MCPH1: variants seen among roughly 807,000 people sequenced by gnomAD.
MCPH1 encodes the protein microcephalin.
A neutral mutation model predicts 84.5 loss-of-function variants in MCPH1; 104 were observed. The observed-to-expected ratio is 1.23, with a 90% CI of 1.05 to 1.45. MCPH1 has a LOEUF of 1.45. Among genes scored for constraint, MCPH1 ranks in the 40% most tolerant of loss-of-function variants. The pLI, the probability that MCPH1 is intolerant of heterozygous loss-of-function variation, is 0.00. For synonymous variants in MCPH1, 514 were observed against 366.8 expected (o/e 1.40, Z -4.58); for missense variants, 1,498 against 1,005.7 (o/e 1.49, Z -6.62).
chr8:6,545,715 G>A (rs1045827936), intron 12 of MCPH1, among the ~76,000 whole-genome samples: 2 of 152,168 alleles, frequency 1.3e-5, no homozygotes, highest in Non-Finnish European at 2.9e-5. Flanking sequence ...ATAAATAAAT[G>A]TCTGAGTCAT....
chr8:6,609,444 C>CT (rs1830056732), intron 12 of MCPH1, among the ~76,000 whole-genome samples: 1 of 152,178 alleles, frequency 6.6e-6, no homozygotes, highest in Admixed American at 6.5e-5. Flanking sequence ...GTTCCCATCA[C>CT]TTATGTAGCC....
At chr8:6,521,570 A>T (rs1445727283) in intron 12 of MCPH1, among the ~76,000 whole-genome samples, 1 of 152,368 alleles carries the variant, frequency 6.6e-6, no homozygotes, top group East Asian at 1.9e-4. Context: ...AAACTTGCTG[A>T]GAAGATTAGA....
Position 6,648,467 on chromosome 8 carries a change from A to T in MCPH1, c.*5418A>T, listed in dbSNP as rs559541834. 6.6e-6 allele frequency: 1 copy of T among 152,168 alleles called. No individual in the cohort carries two copies. The highest frequency in any genetic ancestry group is 2.4e-5 in the African/African-American group (1 of 41,574). The allele number at this position is 152,168 out of a possible 1,614,324, so 9.4% of individuals were successfully genotyped here. On this transcript the variant is annotated 3_prime_UTR_variant, in exon 14 of 14. Coordinates refer to ENST00000344683, the MANE Select transcript of MCPH1 (RefSeq NM_024596.5). Reference sequence around the variant, plus strand: ...CAACATTTCTTCAGTGAAACCTAGAACAAAAGTGGAATAAATAAAAACTAA... The same window carrying T: ...CAACATTTCTTCAGTGAAACCTAGATCAAAAGTGGAATAAATAAAAACTAA...
At chr8:6,628,051 G>T (rs1219306575) in intron 13 of MCPH1, among the ~76,000 whole-genome samples, 1 of 151,992 alleles carries the variant, frequency 6.6e-6, no homozygotes, top group Admixed American at 6.6e-5. Flanking sequence ...TGCATTTATT[G>T]GTCAAACTAA....
intron 9 of MCPH1, among the ~76,000 whole-genome samples, chr8:6,456,657 C>CTT (rs35818409): frequency 0.27 from 38,949 of 144,678 alleles, 6,747 homozygotes; most frequent in African/African-American, 0.51. Context: ...CCATGTCTGG[C>CTT]TTTTTTTTTT....
At chr8:6,407,483 C>T (rs1000955942) in intron 1 of MCPH1, among the ~76,000 whole-genome samples, 2 of 152,224 alleles carry the variant, frequency 1.3e-5, no homozygotes, top group African/African-American at 2.4e-5. Flanking sequence ...CGCAGTCCCA[C>T]CCTCTGTGCA....
chr8:6,480,204 A>C (rs1387537862), intron 10 of MCPH1, among the ~76,000 whole-genome samples: 3 of 151,082 alleles, frequency 2.0e-5, no homozygotes, highest in Non-Finnish European at 4.4e-5. Flanking sequence ...GCTCACTGCA[A>C]CCTCCACCTC....
At position 6,433,611 on chromosome 8, in the gene MCPH1, C is replaced by G. The variant is rs548197128; in HGVS notation, c.321+2025C>G. On this transcript the variant is annotated intron_variant, in intron 4 of 13. Coordinates refer to ENST00000344683, the MANE Select transcript of MCPH1 (RefSeq NM_024596.5). ...TCATGCCACTGCACTCCAGCCTGGG[C>G]GACAGCAAGGCTCTGTCTCAAAAAA... 5.0e-5 allele frequency among the ~76,000 whole-genome samples: 6 copies of G among 120,092 alleles called. No individual in the cohort carries two copies. The East Asian group carries it at 1.4e-3, about 29-fold the overall frequency. 78.8% of individuals were successfully genotyped at this position (120,092 alleles called of 152,430 possible).
chr8:6,464,014 ATGT>A (rs1806568347), intron 9 of MCPH1, among the ~76,000 whole-genome samples: 1 of 152,226 alleles, frequency 6.6e-6, no homozygotes, highest in Admixed American at 6.5e-5. Context: ...CAGCACGGGT[ATGT>A]TGTTATCACA....
At chr8:6,500,404 A>G (rs951725247) in intron 12 of MCPH1, 2 of 157,488 alleles carry the variant, frequency 1.3e-5, no homozygotes, top group African/African-American at 4.8e-5. Flanking sequence ...AAGATTAAGT[A>G]ATAATTAAGT....
intron 9 of MCPH1, among the ~76,000 whole-genome samples, chr8:6,458,780 A>G (rs1247062104): frequency 6.6e-6 from 1 of 151,958 alleles, no homozygotes; most frequent in African/African-American, 2.4e-5. Flanking sequence ...TAGTAGCTGG[A>G]ACCACAGGCA....
At chr8:6,525,418 T>G (rs1818156308) in intron 12 of MCPH1, among the ~76,000 whole-genome samples, 1 of 150,220 alleles carries the variant, frequency 6.7e-6, no homozygotes, top group African/African-American at 2.5e-5. Flanking sequence ...TTTGTAAAAA[T>G]GAGTTCTCAT....
chr8:6,541,275 G>T (rs968711215), intron 12 of MCPH1, among the ~76,000 whole-genome samples: 1 of 152,190 alleles, frequency 6.6e-6, no homozygotes, highest in Admixed American at 6.5e-5. Context: ...ATGAGGCTTA[G>T]AGAAAGTCAG....
chr8:6,501,787 C>A (rs1221829620), intron 12 of MCPH1: 2 of 152,058 alleles, frequency 1.3e-5, no homozygotes, highest in East Asian at 1.9e-4. Context: ...GAACTCCTGA[C>A]CTCAGGTGAT....
intron 12 of MCPH1, among the ~76,000 whole-genome samples, chr8:6,552,523 G>A (rs1344344748): frequency 6.6e-6 from 1 of 152,188 alleles, no homozygotes; most frequent in Non-Finnish European, 1.5e-5. Flanking sequence ...CCCGATTAGG[G>A]TGACTGGAAT....
chr8:6,464,993 A>G (rs1358749887), intron 9 of MCPH1, among the ~76,000 whole-genome samples: 1 of 150,316 alleles, frequency 6.7e-6, no homozygotes, highest in African/African-American at 2.5e-5. Flanking sequence ...AGAAGATTCC[A>G]TCTCAGAAAA....
chr8:6,426,528 C>G (rs1322262799), intron 3 of MCPH1, among the ~76,000 whole-genome samples: 3 of 152,208 alleles, frequency 2.0e-5, no homozygotes, highest in African/African-American at 7.2e-5. Context: ...GTTTCACTTC[C>G]TTTTATAGCT....
intron 12 of MCPH1, among the ~76,000 whole-genome samples, chr8:6,589,589 T>A (rs114121794): frequency 0.011 from 1,613 of 152,302 alleles, 22 homozygotes; most frequent in African/African-American, 0.037. Flanking sequence ...GGTGCTAAGC[T>A]TCAGTGACTG....
chr8:6,446,960 G>C (rs932160386), intron 8 of MCPH1: 2 of 985,280 alleles, frequency 2.0e-6, no homozygotes, highest in African/African-American at 3.5e-5. Context: ...AGGCACCCTG[G>C]TGGGGACGGA....
Sources: gnomAD v4.1 joint callset for allele counts (sites outside exome capture counted in the v4.1 genomes callset) on GRCh38, gnomAD v4.1.1 for gene constraint, MANE v1.5 for transcripts, NCBI Gene and HGNC (gene_info 2026-07-23, HGNC 2026-07-21) for gene names.